Variants in SOX6 observed in about 807,000 individuals in gnomAD.
SOX6 encodes transcription factor SOX-6.
A neutral mutation model predicts 97.8 loss-of-function variants in SOX6; 11 were observed. The observed-to-expected ratio is 0.11, with a 90% CI of 0.07 to 0.19. SOX6 has a LOEUF of 0.19. SOX6 is among the 10% of genes least tolerant of loss of function. The pLI is 1.00. For synonymous variants in SOX6, 360 were observed against 371.4 expected (o/e 0.97, Z 0.35); for missense variants, 810 against 1,039.5 (o/e 0.78, Z 3.04).
intron 4 of SOX6, among the ~76,000 whole-genome samples, chr11:16,211,578 T>C (rs781742079): frequency 9.9e-5 from 15 of 152,016 alleles, no homozygotes; most frequent in Non-Finnish European, 1.9e-4. Flanking sequence ...GCTTCTAGGG[T>C]AAGGTGAGAG....
At chr11:16,599,292 G>C (rs930721123) in intron 4 of SOX6, among the ~76,000 whole-genome samples, 1 of 152,082 alleles carries the variant, frequency 6.6e-6, no homozygotes, top group Non-Finnish European at 1.5e-5. Flanking sequence ...CGTAGAAAGA[G>C]AGCAAATACA....
At chr11:15,994,171 C>T (rs987081172) in intron 13 of SOX6, among the ~76,000 whole-genome samples, 1 of 151,952 alleles carries the variant, frequency 6.6e-6, no homozygotes, top group African/African-American at 2.4e-5. Context: ...ATGCTAACAG[C>T]GGTAATTTAA....
chr11:16,695,358 T>C (rs1327815508), intron 3 of SOX6, among the ~76,000 whole-genome samples: 3 of 152,196 alleles, frequency 2.0e-5, no homozygotes, highest in African/African-American at 7.2e-5. Flanking sequence ...TAAGACCTAG[T>C]AATCTAAGAA....
At chr11:16,708,027 A>C (rs1848150543) in intron 3 of SOX6, among the ~76,000 whole-genome samples, 1 of 152,198 alleles carries the variant, frequency 6.6e-6, no homozygotes. Context: ...TACTGCTCTG[A>C]GACCAAGGTA....
chr11:16,130,275 A>G (rs1849707780), intron 6 of SOX6, among the ~76,000 whole-genome samples: 1 of 151,986 alleles, frequency 6.6e-6, no homozygotes, highest in East Asian at 1.9e-4. Context: ...AGGATAATGT[A>G]CAACATGAGG....
intron 3 of SOX6, among the ~76,000 whole-genome samples, chr11:16,680,155 T>C (rs986943235): frequency 6.6e-6 from 1 of 152,096 alleles, no homozygotes; most frequent in Non-Finnish European, 1.5e-5. Flanking sequence ...GACACATAAT[T>C]TTCAGATTCA....
At chr11:15,984,085 C>G (rs1213018584) in intron 15 of SOX6, among the ~76,000 whole-genome samples, 1 of 152,126 alleles carries the variant, frequency 6.6e-6, no homozygotes, top group Non-Finnish European at 1.5e-5. Flanking sequence ...CATAGAAACT[C>G]TCTAAAACTC....
At chr11:16,073,674 T>C (rs1205764524) in intron 9 of SOX6, among the ~76,000 whole-genome samples, 4 of 152,102 alleles carry the variant, frequency 2.6e-5, no homozygotes, top group African/African-American at 9.7e-5. Context: ...ATGCTAAAAT[T>C]GACCACACAA....
chr11:16,006,455 G>A (rs1408101734), intron 13 of SOX6, among the ~76,000 whole-genome samples: 1 of 152,024 alleles, frequency 6.6e-6, no homozygotes. Flanking sequence ...TTTGTGTTGG[G>A]CTTAGTGGAG....
At chr11:16,555,087 T>A (rs10832645) in intron 4 of SOX6, among the ~76,000 whole-genome samples, 28,270 of 151,794 alleles carry the variant, frequency 0.19, 3,066 homozygotes, top group East Asian at 0.37. Context: ...ATGGAAAACA[T>A]CTCAATCTCA....
At chr11:16,297,744 C>G (rs1426896089) in intron 3 of SOX6, among the ~76,000 whole-genome samples, 1 of 152,134 alleles carries the variant, frequency 6.6e-6, no homozygotes, top group Non-Finnish European at 1.5e-5. Flanking sequence ...AGCAGGTTGT[C>G]TGAATCAAAG....
chr11:16,411,443 A>C (rs1422067133), intron 1 of SOX6, among the ~76,000 whole-genome samples: 2 of 152,180 alleles, frequency 1.3e-5, no homozygotes, highest in African/African-American at 4.8e-5. Context: ...TGCCAACTTA[A>C]GACCTTGGCA....
At chr11:16,090,646 A>G (rs185546348) in intron 9 of SOX6, among the ~76,000 whole-genome samples, 125 of 152,060 alleles carry the variant, frequency 8.2e-4, no homozygotes, top group African/African-American at 2.9e-3. Flanking sequence ...GAAAAAAAAA[A>G]GGTTTTCAAA....
At chr11:16,113,286 T>A (rs1372057542) in intron 6 of SOX6, among the ~76,000 whole-genome samples, 1 of 152,240 alleles carries the variant, frequency 6.6e-6, no homozygotes, top group Non-Finnish European at 1.5e-5. Flanking sequence ...CTGAATTCAT[T>A]TCTCAAGAAA....
intron 4 of SOX6, among the ~76,000 whole-genome samples, chr11:16,494,197 T>C (rs1461249335): frequency 6.6e-6 from 1 of 151,816 alleles, no homozygotes; most frequent in Admixed American, 6.6e-5. Flanking sequence ...GCCAACATGG[T>C]GAAACCCCAT....
rs116402018 is a variant in SOX6 at position 16,458,389 on chromosome 11, A to G, written c.-5+17926T>C. The stretch of plus-strand genomic sequence containing the variant: ...AAGTATGCTAACCCATAGTATATTC[A>G]CCTACTTTGTACCCACAAAAATTAA... On this transcript the variant is annotated intron_variant, in intron 1 of 15. Transcript: ENST00000396356. Among the ~76,000 whole-genome samples the G allele has an allele frequency of 8.9e-3, 1,288 of 144,034 alleles. 18 individuals carry two copies. The highest frequency in any genetic ancestry group is 0.028 in the African/African-American group (1,071 of 38,802). The allele number at this position is 144,034 out of a possible 152,430, so 94.5% of individuals were successfully genotyped here. A position where few individuals can be genotyped will look rare whatever the true frequency, so the allele number is the denominator to read the frequency against.
Position 16,607,665 on chromosome 11 carries a change from G to A in SOX6, n.609+4416C>T, listed in dbSNP as rs1848350749. 1 of 152,414 alleles carries A rather than the reference G, an allele frequency of 6.6e-6. No homozygotes were observed. The highest frequency in any genetic ancestry group is 6.5e-5 in the Admixed American group (1 of 15,290). The allele number at this position is 152,414 out of a possible 1,614,324, so 9.4% of individuals were successfully genotyped here. A position where few individuals can be genotyped will look rare whatever the true frequency, so the allele number is the denominator to read the frequency against. On this transcript the variant is annotated intron_variant and non_coding_transcript_variant, in intron 4 of 5. Transcript: ENST00000524520. This position sits in a 1 kb window ranked among gnomAD's most constrained non-coding sequence, Gnocchi z 6.5. ...CTAGGGGCTTCACCCTGGAACAAGT[G>A]AAGGCGATGGTTAGTGCTGTCAATC...
chr11:16,415,540 T>C (rs1858909619), intron 1 of SOX6, among the ~76,000 whole-genome samples: 1 of 152,172 alleles, frequency 6.6e-6, no homozygotes, highest in African/African-American at 2.4e-5. Context: ...TATTTTCAAG[T>C]AGCTAGAAGA....
intron 3 of SOX6, among the ~76,000 whole-genome samples, chr11:16,704,652 G>A (rs974290501): frequency 3.9e-5 from 6 of 152,136 alleles, no homozygotes; most frequent in Non-Finnish European, 7.4e-5. Context: ...AAGTTAAGAA[G>A]GTGTAGAACA....
Sources: gnomAD v4.1 joint callset for allele counts (sites outside exome capture counted in the v4.1 genomes callset) on GRCh38, gnomAD v4.1.1 for gene constraint, Gnocchi (gnomAD v3.1) non-coding constraint, MANE v1.5 for transcripts, NCBI Gene and HGNC (gene_info 2026-07-23, HGNC 2026-07-21) for gene names.